TMEM108: variants seen among roughly 807,000 people sequenced by gnomAD.
TMEM108 encodes transmembrane protein 108, also known as cancer/testis antigen 124.
In TMEM108, 12 loss-of-function variants were observed where a neutral mutation model predicts 35.1. That is an observed-to-expected ratio of 0.34 (90% CI 0.22 to 0.55). The LOEUF (loss-of-function observed/expected upper bound fraction) is 0.55. Ranked by LOEUF, TMEM108 falls within the 20% of genes least tolerant of loss-of-function variation. The pLI is 0.89. For synonymous variants in TMEM108, 287 were observed against 308.6 expected (o/e 0.93, Z 0.73); for missense variants, 680 against 753.3 (o/e 0.90, Z 1.14).
chr3:133,283,712 G>A (rs1946945996), intron 3 of TMEM108, among the ~76,000 whole-genome samples: 1 of 152,214 alleles, frequency 6.6e-6, no homozygotes, highest in African/African-American at 2.4e-5. Context: ...AGTACTGTGT[G>A]CTGATAACTG....
intron 3 of TMEM108, among the ~76,000 whole-genome samples, chr3:133,289,712 A>C (rs532415530): frequency 6.6e-6 from 1 of 152,258 alleles, no homozygotes; most frequent in Non-Finnish European, 1.5e-5. Flanking sequence ...GAATGAAATC[A>C]TTTTTCTCTC....
intron 2 of TMEM108, among the ~76,000 whole-genome samples, chr3:133,136,035 T>C (rs775089566): frequency 3.3e-5 from 5 of 152,220 alleles, no homozygotes; most frequent in African/African-American, 4.8e-5. Context: ...GTTGTGGTCA[T>C]TACTATTTTT....
At chr3:133,228,406 G>GT (rs1396865091) in intron 2 of TMEM108, among the ~76,000 whole-genome samples, 3 of 152,164 alleles carry the variant, frequency 2.0e-5, no homozygotes, top group African/African-American at 7.2e-5. Context: ...TGGGTAGAGT[G>GT]TAGTCTAATG....
chr3:133,396,543 G>A lies in TMEM108; in HGVS notation c.*557G>A, dbSNP rs2073309313. The A allele has an allele frequency of 1.3e-5, 2 of 152,264 alleles. No homozygotes were observed. Among genetic ancestry groups the A allele is most frequent in the Admixed American group, 6.5e-5 (1 of 15,288 alleles). The allele number at this position is 152,264 out of a possible 1,614,324, so 9.4% of individuals were successfully genotyped here. A position where few individuals can be genotyped will look rare whatever the true frequency, so the allele number is the denominator to read the frequency against. On this transcript the variant is annotated 3_prime_UTR_variant, in exon 6 of 6. Transcript: ENST00000321871. ...TTATGACGGCACCATTGGATGTCATGTTTAATTCCATCCAAGTTGTGGATG... is the reference window on the plus strand; with the variant it reads ...TTATGACGGCACCATTGGATGTCATATTTAATTCCATCCAAGTTGTGGATG...
intron 2 of TMEM108, among the ~76,000 whole-genome samples, chr3:133,168,383 G>A (rs142369257): frequency 1.3e-3 from 197 of 152,234 alleles, no homozygotes; most frequent in African/African-American, 4.4e-3. Flanking sequence ...TTCACATGGC[G>A]GAAGGCTTGA....
At chr3:133,377,523 C>T (rs1576525948) in intron 3 of TMEM108, among the ~76,000 whole-genome samples, 1 of 152,372 alleles carries the variant, frequency 6.6e-6, no homozygotes, top group South Asian at 2.1e-4. Flanking sequence ...GTTTCACATA[C>T]TTCTGCTACT....
At chr3:133,130,199 G>C (rs1944472503) in intron 2 of TMEM108, among the ~76,000 whole-genome samples, 1 of 152,006 alleles carries the variant, frequency 6.6e-6, no homozygotes, top group Non-Finnish European at 1.5e-5. Flanking sequence ...TTATCCTTTG[G>C]GTAGATGAAG....
At chr3:133,149,757 G>A (rs1240616548) in intron 2 of TMEM108, among the ~76,000 whole-genome samples, 4 of 151,818 alleles carry the variant, frequency 2.6e-5, no homozygotes, top group African/African-American at 7.3e-5. Context: ...TATGTCTCAG[G>A]TACATATACA....
At chr3:133,319,678 A>T (rs894319386) in intron 3 of TMEM108, among the ~76,000 whole-genome samples, 1 of 152,108 alleles carries the variant, frequency 6.6e-6, no homozygotes, top group Non-Finnish European at 1.5e-5. Context: ...TGTTTGGGAG[A>T]CCTGAAGATG....
At position 133,051,050 on chromosome 3, in the gene TMEM108, A is replaced by G. The variant is rs148406930; in HGVS notation, c.-47+5030A>G. ...TTCCAAGGACCATGATTGCTGCCTC[A>G]TATGGTGAGAGTATGTTTTATTTAG... On this transcript the variant is annotated intron_variant, in intron 2 of 5. Transcript: ENST00000321871. Among the ~76,000 whole-genome samples, 153 of 151,412 alleles carry G rather than the reference A, an allele frequency of 1.0e-3. 1 individual carries two copies. The highest frequency in any genetic ancestry group is 3.4e-3 in the Middle Eastern group (1 of 294).
intron 3 of TMEM108, among the ~76,000 whole-genome samples, chr3:133,296,869 C>T (rs1947152801): frequency 6.6e-6 from 1 of 152,154 alleles, no homozygotes; most frequent in South Asian, 2.1e-4. Flanking sequence ...ATTTTCTCAT[C>T]AGGTAGAAGG....
intron 3 of TMEM108, among the ~76,000 whole-genome samples, chr3:133,250,798 C>CA (rs1374155642): frequency 2.0e-5 from 3 of 152,142 alleles, no homozygotes; most frequent in Non-Finnish European, 2.9e-5. Flanking sequence ...TAATTTACAA[C>CA]ATAACTATTA....
At chr3:133,058,270 C>G (rs1943496822) in intron 2 of TMEM108, among the ~76,000 whole-genome samples, 1 of 152,166 alleles carries the variant, frequency 6.6e-6, no homozygotes, top group African/African-American at 2.4e-5. Context: ...CTAATCAGAA[C>G]TTTTCTCCTG....
intron 2 of TMEM108, among the ~76,000 whole-genome samples, chr3:133,073,692 G>A (rs1048734551): frequency 4.6e-5 from 7 of 151,292 alleles, no homozygotes; most frequent in Admixed American, 2.6e-4. Flanking sequence ...TAGGATTGTA[G>A]GATCATATGG....
chr3:133,257,609 G>A (rs1401817691), intron 3 of TMEM108, among the ~76,000 whole-genome samples: 1 of 152,170 alleles, frequency 6.6e-6, no homozygotes, highest in African/African-American at 2.4e-5. Flanking sequence ...GTATTTGAAA[G>A]CTTAAGTTGG....
chr3:133,190,362 G>A (rs1945481481), intron 2 of TMEM108, among the ~76,000 whole-genome samples: 1 of 152,148 alleles, frequency 6.6e-6, no homozygotes, highest in Non-Finnish European at 1.5e-5. Flanking sequence ...TTCCTATCAA[G>A]AAAATGACCT....
At chr3:133,208,990 C>G (rs1945797755) in intron 2 of TMEM108, among the ~76,000 whole-genome samples, 1 of 152,118 alleles carries the variant, frequency 6.6e-6, no homozygotes, top group Admixed American at 6.5e-5. Context: ...ATTCTCAAAA[C>G]TATCTTGCAG....
intron 2 of TMEM108, among the ~76,000 whole-genome samples, chr3:133,079,795 C>T (rs9839858): frequency 0.22 from 33,289 of 152,092 alleles, 4,308 homozygotes; most frequent in Non-Finnish European, 0.29. Context: ...AGCTTGAAAG[C>T]GAGGAATAAG....
At chr3:133,111,032 C>G (rs1303198971) in intron 2 of TMEM108, among the ~76,000 whole-genome samples, 2 of 152,182 alleles carry the variant, frequency 1.3e-5, no homozygotes, top group African/African-American at 4.8e-5. Flanking sequence ...CAGCTTGTCT[C>G]TGACCTACTG....
Sources: gnomAD v4.1 joint callset for allele counts (sites outside exome capture counted in the v4.1 genomes callset) on GRCh38, gnomAD v4.1.1 for gene constraint, MANE v1.5 for transcripts, NCBI Gene and HGNC (gene_info 2026-07-23, HGNC 2026-07-21) for gene names.